ATG7: variants seen among roughly 807,000 people sequenced by gnomAD.
ATG7 encodes the protein ubiquitin-like modifier-activating enzyme ATG7.
Under a neutral mutation model 82.4 loss-of-function variants are expected in ATG7, and 70 were observed. The ratio of observed to expected loss-of-function variants is 0.85; its 90% CI spans 0.70 to 1.04. ATG7 has a LOEUF of 1.04. Among genes scored for constraint, ATG7 ranks in the 50% least tolerant of loss-of-function variants. The probability of loss-of-function intolerance (pLI) is 0.00; values close to 1 mark genes in which losing one functional copy is unlikely to be tolerated. For synonymous variants in ATG7, 287 were observed against 313.0 expected, an observed-to-expected ratio of 0.92 and a Z score of 0.88; for missense variants, 792 against 864.3, an observed-to-expected ratio of 0.92 and a Z score of 1.05.
intron 3 of ATG7, among the ~76,000 whole-genome samples, chr3:11,289,316 T>C (rs996039043): frequency 1.3e-5 from 2 of 152,192 alleles, no homozygotes; most frequent in Non-Finnish European, 2.9e-5. Context: ...CCTCCGACCA[T>C]TACTTCTTAA....
At chr3:11,377,823 C>G (rs1304654204) in intron 18 of ATG7, among the ~76,000 whole-genome samples, 2 of 152,092 alleles carry the variant, frequency 1.3e-5, no homozygotes, top group Non-Finnish European at 2.9e-5. Context: ...TTTCAGCATT[C>G]CCATTTGTGA....
intron 5 of ATG7, among the ~76,000 whole-genome samples, chr3:11,301,020 C>T (rs1416386358): frequency 6.6e-6 from 1 of 151,952 alleles, no homozygotes; most frequent in African/African-American, 2.4e-5. Context: ...GAACAAAAGG[C>T]GCAAACAGTG....
chr3:11,429,077 C>T (rs1178326057), intron 20 of ATG7, among the ~76,000 whole-genome samples: 2 of 152,198 alleles, frequency 1.3e-5, no homozygotes, highest in African/African-American at 2.4e-5. Flanking sequence ...TGGAATCATA[C>T]GTCACATCAA....
At chr3:11,482,397 C>T (rs934087383) in intron 20 of ATG7, among the ~76,000 whole-genome samples, 4 of 152,170 alleles carry the variant, frequency 2.6e-5, no homozygotes, top group Non-Finnish European at 4.4e-5. Context: ...ACCTCTTGTC[C>T]CTCAGTCTGT....
At chr3:11,467,075 C>T (rs1162547422) in intron 20 of ATG7, among the ~76,000 whole-genome samples, 1 of 152,042 alleles carries the variant, frequency 6.6e-6, no homozygotes, top group African/African-American at 2.4e-5. Flanking sequence ...AGTGAGCTGA[C>T]ATCATGCCAT....
chr3:11,496,239 G>A (rs904583958), intron 20 of ATG7, among the ~76,000 whole-genome samples: 4 of 152,216 alleles, frequency 2.6e-5, no homozygotes, highest in African/African-American at 9.6e-5. Flanking sequence ...CTCTCCAAGC[G>A]TTTCCACTGC....
the ATG7 span, among the ~76,000 whole-genome samples, chr3:11,567,337 T>TATAG: frequency 6.6e-6 from 1 of 152,198 alleles, no homozygotes; most frequent in Admixed American, 6.5e-5. Context: ...GTATATTGAT[T>TATAG]ATAGGGTGAT....
chr3:11,558,393 G>T, downstream of ATG7: 1 of 1,209,678 alleles, frequency 8.3e-7, no homozygotes, highest in Non-Finnish European at 1.1e-6. Context: ...TACCAAGCAA[G>T]TACAAAAACA....
chr3:11,506,923 T>G (rs1476425530), intron 20 of ATG7, among the ~76,000 whole-genome samples: 1 of 152,182 alleles, frequency 6.6e-6, no homozygotes, highest in Non-Finnish European at 1.5e-5. Context: ...GCATTTTTTG[T>G]GCCATGGATC....
chr3:11,432,003 A>C (rs1215854427), intron 20 of ATG7, among the ~76,000 whole-genome samples: 1 of 152,198 alleles, frequency 6.6e-6, no homozygotes, highest in Admixed American at 6.5e-5. Flanking sequence ...ATGATTTTGA[A>C]CTAGGTTACT....
At chr3:11,418,657 A>G (rs1228952274) in intron 19 of ATG7, among the ~76,000 whole-genome samples, 1 of 152,188 alleles carries the variant, frequency 6.6e-6, no homozygotes, top group East Asian at 1.9e-4. Context: ...TTTCTGCTCC[A>G]GCCTGTTGTG....
rs370132168 is a variant in ATG7, at chr3:11,378,807, T to C, written c.1876-1165T>C. Among the ~76,000 whole-genome samples the C allele has an allele frequency of 4.6e-5, 7 of 151,884 alleles. No homozygotes were observed. The South Asian group carries it at 1.5e-3, about 32-fold the overall frequency. On this transcript the variant is annotated intron_variant, in intron 18 of 20. Transcript: ENST00000693202. ...CAGTGTGAGCATCAGGATGGAGTTA[T>C]CCAAAACTCAAAAGAAGCCTTTTTC...
chr3:11,358,806 G>A (rs2076100899), intron 15 of ATG7, among the ~76,000 whole-genome samples, 194 bp downstream of exon 15: 2 of 152,132 alleles, frequency 1.3e-5, no homozygotes, highest in South Asian at 4.1e-4. Context: ...ACCATTTACT[G>A]CTTAATTTTC....
At chr3:11,401,414 T>A (rs1430647489) in intron 19 of ATG7, among the ~76,000 whole-genome samples, 1 of 152,216 alleles carries the variant, frequency 6.6e-6, no homozygotes. Context: ...TTTAAAAAGA[T>A]GACCGAGAAT....
intron 14 of ATG7, among the ~76,000 whole-genome samples, chr3:11,355,301 G>C (rs779320311): frequency 1.3e-5 from 2 of 152,164 alleles, no homozygotes; most frequent in African/African-American, 4.8e-5. Flanking sequence ...ATAAAGTTTC[G>C]AGGGGAAAGC....
intron 11 of ATG7, among the ~76,000 whole-genome samples, chr3:11,339,391 A>G (rs1486105727): frequency 6.6e-6 from 1 of 152,124 alleles, no homozygotes; most frequent in East Asian, 1.9e-4. Context: ...ACTTCAAGTC[A>G]AGGAGTTTCT....
At chr3:11,382,345 T>C (rs2077971568) in intron 19 of ATG7, among the ~76,000 whole-genome samples, 1 of 152,098 alleles carries the variant, frequency 6.6e-6, no homozygotes, top group African/African-American at 2.4e-5. Context: ...TAGCCTGAGG[T>C]GGGGAAGAAT....
In ATG7 at chr3:11,286,659, T is replaced by C. The variant is rs1310894042; in HGVS notation, c.-11+4221T>C. On this transcript the variant is annotated intron_variant, in intron 3 of 20. Coordinates refer to ENST00000693202, the MANE Select transcript of ATG7 (RefSeq NM_001349232.2). ...GGGCTGGAGTGCAGTGGTGCCATCT[T>C]GCCACCTTGGCTTACTGCAGCCTTA... Among the ~76,000 whole-genome samples the C allele has an allele frequency of 5.0e-5, 7 of 141,112 alleles. No individual in the cohort carries two copies. In the South Asian group the frequency reaches 1.6e-3, roughly 33 times the overall value. 92.6% of individuals were successfully genotyped at this position (141,112 alleles called of 152,430 possible).
rs766227677 is a variant in ATG7, at chr3:11,426,942, G to A, written c.2079+16G>A. 5 of 1,577,024 alleles carry A rather than the reference G, an allele frequency of 3.2e-6. 1 individual carries two copies. The highest frequency in any genetic ancestry group is 3.4e-4 in the Middle Eastern group (2 of 5,874). On this transcript the variant is annotated intron_variant, in intron 20 of 20. Transcript: ENST00000693202. ...AGCTGCTGAGGTAAGAACAAAACAAGCTTTCTGTAGTGAAGACTGACATGC... is the reference window on the plus strand; with the variant it reads ...AGCTGCTGAGGTAAGAACAAAACAAACTTTCTGTAGTGAAGACTGACATGC...
Sources: allele counts gnomAD v4.1 joint callset (sites outside exome capture counted in the v4.1 genomes callset), GRCh38; gene constraint gnomAD v4.1.1; transcripts MANE v1.5; gene names NCBI Gene and HGNC (gene_info 2026-07-23, HGNC 2026-07-21).